GPS2: variants seen among roughly 807,000 people sequenced by gnomAD.
GPS2 encodes G protein pathway suppressor 2, also known as GPS-2.
In GPS2, 22 loss-of-function variants were observed where a neutral mutation model predicts 48.1. That is an observed-to-expected ratio of 0.46 (90% CI 0.33 to 0.65). The LOEUF (loss-of-function observed/expected upper bound fraction) is 0.65, where lower values mean the gene tolerates loss of function less well. GPS2 is among the 30% of genes least tolerant of loss of function. GPS2 has a pLI of 0.03. For synonymous variants in GPS2, 202 were observed against 142.5 expected (o/e 1.42, Z -2.98); for missense variants, 366 against 406.8 (o/e 0.90, Z 0.86).
chr17:7,314,801 G>A (rs2072915826), intron 2 of GPS2, 158 bp downstream of exon 2: 11 of 1,270,366 alleles, frequency 8.7e-6, no homozygotes, highest in South Asian at 1.3e-5. Flanking sequence ...GGGTTCTGGA[G>A]CGTGGAACAG....
chr17:7,315,083 G>T lies in GPS2; in HGVS notation c.-31C>A, dbSNP rs2072920276. On this transcript the variant is annotated 5_prime_UTR_variant, in exon 2 of 11. Transcript: ENST00000380728. The stretch of plus-strand genomic sequence containing the variant: ...TGCCGTGGGCGCTCGGGCCGTGGGC[G>T]CCCGGCTGTCTCTGACTGCCAGACC... 3.3e-6 allele frequency: 5 copies of T among 1,533,182 alleles called. No individual in the cohort carries two copies. The African/African-American group carries it at 5.6e-5, about 17-fold the overall frequency. The allele number at this position is 1,533,182 out of a possible 1,614,324, so 95.0% of individuals were successfully genotyped here.
rs1239436542 is a variant in GPS2 at position 7,314,400 on chromosome 17, G to A, written c.208C>T (p.Leu70=). 6.2e-7 allele frequency: 1 copy of A among 1,614,200 alleles called. No homozygotes were observed. The highest frequency in any genetic ancestry group is 1.3e-5 in the African/African-American group (1 of 75,046). ...GCCAAAAGCTTCTCCTCCAACTTCA[G>A]AATCTGGGATGGGGTGGGAAAAGAA... is the stretch of plus-strand genomic sequence containing the variant. The part of the protein sequence containing the change: ...MSLEETKEQI[L]KLEEKLLALQ... The change falls in exon 4 of 11, where the codon CTG becomes TTG. Residue 70 remains leucine, a synonymous_variant. Transcript: ENST00000380728.
In GPS2 at chr17:7,313,074, G is replaced by C. The variant is rs758427184; in HGVS notation, c.855C>G (p.Leu285=). ...GCACAGGGAGCTGGGGGGAAGCAAG[G>C]AGTCCAGGGGCTGGATGCAGAGCCT... ...HPQALHPAPG[L]LASPQLPVQM... The change falls in exon 10 of 11, where the codon CTC becomes CTG. Residue 285 remains leucine (L), a synonymous_variant. Transcript: ENST00000380728. 1.0e-5 allele frequency: 16 copies of C among 1,562,410 alleles called. No homozygotes were observed. The highest frequency in any genetic ancestry group is 1.4e-5 in the Non-Finnish European group (16 of 1,152,636).
Position 7,313,709 on chromosome 17 carries a change from C to T in GPS2, c.493G>A (p.Val165Met), listed in dbSNP as rs762497187. ...GPQVLTTRHY[V>M]GSAAAFAGTP... ...CCTGCAAAAGCAGCTGCTGAGCCCA[C>T]GTAGTGCCGGGTCTAAGGAAGGAGA... The change falls in exon 7 of 11, where the codon GTG (valine) becomes ATG (methionine). Residue 165 changes from valine (V) to methionine (M), a missense_variant. Val to Met is a conservative substitution (Grantham distance 21, BLOSUM62 1). Around this residue, in one of 3 missense-constraint regions of GPS2, gnomAD observed 275 missense variants for 282.3 expected, o/e 0.97. Transcript: ENST00000380728. 2.0e-5 allele frequency: 32 copies of T among 1,613,974 alleles called. No homozygotes were observed. The South Asian group carries it at 2.7e-4, about 14-fold the overall frequency.
At chr17:7,315,142 AGG>A in intron 1 of GPS2, 23 bp from the exon 2 acceptor site, 4 of 971,148 alleles carry the variant, frequency 4.1e-6, no homozygotes, top group Non-Finnish European at 5.7e-6. Flanking sequence ...GGGCGCTCAG[AGG>A]GGGCCGCGCC....
chr17:7,313,820 T>C lies in GPS2; in HGVS notation c.480+86A>G. The C allele has an allele frequency of 1.1e-5, 18 of 1,566,528 alleles. 1 individual carries two copies. Among genetic ancestry groups the C allele is most frequent in the Non-Finnish European group, 1.6e-5 (18 of 1,139,074 alleles). The stretch of plus-strand genomic sequence containing the variant: ...TGCCCCGTTTCCCCCTAAACTTAAG[T>C]GCTTGATATGTTTGTGACTTGAATA... On this transcript the variant is annotated intron_variant, in intron 6 of 10. Transcript: ENST00000380728.
chr17:7,312,935 AC>A, intron 10 of GPS2, 93 bp downstream of exon 10: 1 of 1,478,628 alleles, frequency 6.8e-7, no homozygotes, highest in South Asian at 1.1e-5. Context: ...GGAAGGAAAA[AC>A]CAGATGATGT....
At position 7,314,865 on chromosome 17, in the gene GPS2, A is replaced by G; in HGVS notation, c.94+94T>C. On this transcript the variant is annotated intron_variant, in intron 2 of 10. Transcript: ENST00000380728. ...ATTCCTTCCCTCCTCTGCGCTCGGCAGCGGGCGCGCTGGTTGGCCGGTGGG... is the reference window on the plus strand; with the variant it reads ...ATTCCTTCCCTCCTCTGCGCTCGGCGGCGGGCGCGCTGGTTGGCCGGTGGG... 38 of 1,432,944 alleles carry G rather than the reference A, an allele frequency of 2.7e-5. No homozygotes were observed. In the South Asian group the frequency reaches 4.5e-4, roughly 17 times the overall value. The allele number at this position is 1,432,944 out of a possible 1,614,324, so 88.8% of individuals were successfully genotyped here. A position where few individuals can be genotyped will look rare whatever the true frequency, so the allele number is the denominator to read the frequency against.
Position 7,314,131 on chromosome 17 carries a change from A to G in GPS2, c.346T>C (p.Tyr116His). 1 of 1,613,998 alleles carries G rather than the reference A, an allele frequency of 6.2e-7. No individual in the cohort carries two copies. Among genetic ancestry groups the G allele is most frequent in the Non-Finnish European group, 8.5e-7 (1 of 1,179,894 alleles). ...SDLTTLTSAA[Y>H]QQSLTVHTGT... ...GTGTGAACAGTCAGGCTCTGCTGGT[A>G]TGCAGCTGATGTTAGGGTGGTCAGG... The change falls in exon 5 of 11, where the codon TAC (tyrosine) becomes CAC (histidine). Residue 116 changes from tyrosine (Y) to histidine (H), a missense_variant. Physicochemically the swap from Tyr to His is moderately conservative, Grantham distance 83 (BLOSUM62 2). Transcript: ENST00000380728.
rs774886900 is a variant in GPS2, at chr17:7,313,040, G to A, written c.889C>T (p.Pro297Ser). 6.5e-7 allele frequency: 1 copy of A among 1,548,332 alleles called. No individual in the cohort carries two copies. Among genetic ancestry groups the A allele is most frequent in the Non-Finnish European group, 8.7e-7 (1 of 1,145,960 alleles). Reference protein sequence around the residue: ...ASPQLPVQMQPAGKSGFAATS... With the variant: ...ASPQLPVQMQSAGKSGFAATS... ...ATTACCATTCTTACCTTTCCTGCTG[G>A]CTGCATCTGCACAGGGAGCTGGGGG... The change falls in exon 10 of 11, where the codon CCA becomes TCA. Residue 297 changes from proline to serine, a missense_variant. Physicochemically the swap from Pro to Ser is moderately conservative, Grantham distance 74. Around this residue, in one of 3 missense-constraint regions of GPS2, gnomAD observed 275 missense variants for 282.3 expected, o/e 0.97. Transcript: ENST00000380728.
At chr17:7,314,036 C>G in intron 5 of GPS2, 44 bp downstream of exon 5, 1 of 1,611,088 alleles carries the variant, frequency 6.2e-7, no homozygotes, top group African/African-American at 1.3e-5. Flanking sequence ...AGGCTGTGAC[C>G]TCCAAGAAGG....
chr17:7,313,911 G>A lies in GPS2; in HGVS notation c.475C>T (p.Leu159Phe), dbSNP rs200523158. Residue 159 changes from leucine (L) to phenylalanine (F), a missense_variant, in exon 6 of 11, where the codon CTT becomes TTT. Coordinates refer to ENST00000380728, the MANE Select transcript of GPS2 (RefSeq NM_004489.5). ...RAKQMFGPQV[L>F]TTRHYVGSAA... ...GCATCCAATCCTACTCTCACCGTAA[G>A]CACTTGGGGTCCAAACATTTGTTTG... 2.5e-6 allele frequency: 4 copies of A among 1,613,834 alleles called. No individual in the cohort carries two copies. The highest frequency in any genetic ancestry group is 2.5e-6 in the Non-Finnish European group (3 of 1,179,728).
rs1485843337 is a variant in GPS2 at position 7,313,659 on chromosome 17, T to C, written c.543A>G (p.Gln181=). The C allele has an allele frequency of 6.2e-7, 1 of 1,614,140 alleles. No homozygotes were observed. The highest frequency in any genetic ancestry group is 8.5e-7 in the Non-Finnish European group (1 of 1,180,008). Residue 181 remains glutamine, a synonymous_variant, in exon 7 of 11, where the codon CAA becomes CAG. Transcript: ENST00000380728. ...TCCCATAGGCACCACCAGGACTGCC[T>C]TGGAATTGTCCATGCTCTGGTGTCC... ...FAGTPEHGQF[Q]GSPGGAYGTA... is the part of the protein sequence containing the mutation.
At chr17:7,314,698 A>G (rs2143010639) in intron 2 of GPS2, 101 bp from the exon 3 acceptor site, 4 of 1,588,102 alleles carry the variant, frequency 2.5e-6, no homozygotes, top group Non-Finnish European at 3.4e-6. Context: ...ACACGCCTGT[A>G]TGCTCTTTGC....
chr17:7,314,157 T>A lies in GPS2; in HGVS notation c.320A>T (p.Asp107Val). 1 of 1,612,980 alleles carries A rather than the reference T, an allele frequency of 6.2e-7. No individual in the cohort carries two copies. Among genetic ancestry groups the A allele is most frequent in the South Asian group, 1.1e-5 (1 of 91,056 alleles). ...EEKRRRKEQS[D>V]LTTLTSAAYQ... ...TGCAGCTGATGTTAGGGTGGTCAGG[T>A]CACTGGAGTGAAAGGAAGACAGGTC... Residue 107 changes from aspartate to valine, a missense_variant and splice_region_variant, in exon 5 of 11, where the codon GAC becomes GTC. Around this residue, in one of 3 missense-constraint regions of GPS2, gnomAD observed 275 missense variants for 282.3 expected, o/e 0.97. Transcript: ENST00000380728.
Position 7,314,282 on chromosome 17 carries a change from T to C in GPS2, c.317+9A>G, listed in dbSNP as rs1412972928. On this transcript the variant is annotated intron_variant, in intron 4 of 10. Transcript: ENST00000380728. ...GCCCCCATTTCAGTTTTTAGCACTC[T>C]GATCCCACCTCTGTTCCTTTCGCCT... The C allele has an allele frequency of 6.2e-7, 1 of 1,613,622 alleles. No individual in the cohort carries two copies. The highest frequency in any genetic ancestry group is 1.7e-5 in the Admixed American group (1 of 60,022).
At chr17:7,314,775 G>A in intron 2 of GPS2, 178 bp from the exon 3 acceptor site, 1 of 1,330,798 alleles carries the variant, frequency 7.5e-7, no homozygotes, top group Non-Finnish European at 1.0e-6. Context: ...GCTCTCCAAG[G>A]TCCTTCCCAT....
At position 7,313,728 on chromosome 17, in the gene GPS2, AAGG is replaced by A. The variant is rs1396074418; in HGVS notation, c.481-10_481-8del. The A allele has an allele frequency of 5.0e-6, 8 of 1,613,334 alleles. No individual in the cohort carries two copies. The highest frequency in any genetic ancestry group is 6.8e-6 in the Non-Finnish European group (8 of 1,179,614). ...AGCCCACGTAGTGCCGGGTCTAAGG[AAGG>A]AGAATGAGAACTCGCCTACAAACTC... is the stretch of plus-strand genomic sequence containing the variant. On this transcript the variant is annotated splice_polypyrimidine_tract_variant and splice_region_variant and intron_variant, in intron 6 of 10. Transcript: ENST00000380728.
chr17:7,313,725 A>AG lies in GPS2; in HGVS notation c.481-5dup. The AG allele has an allele frequency of 6.2e-7, 1 of 1,613,604 alleles. No homozygotes were observed. Among genetic ancestry groups the AG allele is most frequent in the South Asian group, 1.1e-5 (1 of 91,058 alleles). On this transcript the variant is annotated splice_polypyrimidine_tract_variant and splice_region_variant and intron_variant, in intron 6 of 10. Transcript: ENST00000380728. The stretch of plus-strand genomic sequence containing the variant: ...CTGAGCCCACGTAGTGCCGGGTCTA[A>AG]GGAAGGAGAATGAGAACTCGCCTAC...
Sources: gnomAD v4.1 joint callset for allele counts on GRCh38, gnomAD v4.1.1 for gene constraint, gnomAD v4.1.1 regional missense constraint, MANE v1.5 for transcripts, NCBI Gene and HGNC (gene_info 2026-07-23, HGNC 2026-07-21) for gene names.